Variants in TDRD9 observed in about 807,000 individuals in gnomAD.
TDRD9 encodes the protein ATP-dependent RNA helicase TDRD9.
Under a neutral mutation model 172.6 loss-of-function variants are expected in TDRD9, and 124 were observed. That is an observed-to-expected ratio of 0.72 (90% CI 0.62 to 0.83). The LOEUF (loss-of-function observed/expected upper bound fraction) is 0.83. TDRD9 is among the 40% of genes least tolerant of loss of function. The probability of loss-of-function intolerance (pLI) is 0.00; values close to 1 mark genes in which losing one functional copy is unlikely to be tolerated. For missense variants in TDRD9, 1,479 were observed against 1,714.1 expected (o/e 0.86, Z 2.42); for synonymous variants, 619 against 617.1 (o/e 1.00, Z -0.05).
At chr14:103,987,130 A>G (rs371883710) in intron 8 of TDRD9, among the ~76,000 whole-genome samples, 4,391 of 130,856 alleles carry the variant, frequency 0.034, 79 homozygotes, top group South Asian at 0.06. Flanking sequence ...ATATACACAC[A>G]CACACACACA....
chr14:104,042,874 A>G (rs1341615350), intron 34 of TDRD9, among the ~76,000 whole-genome samples: 1 of 152,152 alleles, frequency 6.6e-6, no homozygotes, highest in Admixed American at 6.5e-5. Context: ...TATCACGGTG[A>G]CACTTCTCTC....
intron 1 of TDRD9, among the ~76,000 whole-genome samples, chr14:103,953,169 T>C (rs967356055): frequency 6.6e-6 from 1 of 152,180 alleles, no homozygotes; most frequent in African/African-American, 2.4e-5. Flanking sequence ...ACCCATCTTA[T>C]TCAGAACAAA....
At chr14:104,034,919 G>GT in intron 31 of TDRD9, 41 bp from the exon 32 acceptor site, 1 of 1,487,442 alleles carries the variant, frequency 6.7e-7, no homozygotes, top group Non-Finnish European at 9.2e-7. Flanking sequence ...CCTGAGCAGC[G>GT]TGAGTTAATG....
intron 33 of TDRD9, among the ~76,000 whole-genome samples, 167 bp downstream of exon 33, chr14:104,040,501 C>T (rs534124728): frequency 4.6e-5 from 7 of 152,232 alleles, no homozygotes; most frequent in East Asian, 3.9e-4. Flanking sequence ...CCAGGAGGAC[C>T]GCTCCTTAAC....
chr14:104,051,348 A>G (rs909366561), intron 35 of TDRD9, among the ~76,000 whole-genome samples: 1 of 152,186 alleles, frequency 6.6e-6, no homozygotes, highest in African/African-American at 2.4e-5. Flanking sequence ...TATCCAGTCC[A>G]CTGTTGATGG....
Position 103,991,208 on chromosome 14 carries a change from G to A in TDRD9, c.1164G>A (p.Val388=). 1 of 1,614,024 alleles carries A rather than the reference G, an allele frequency of 6.2e-7. No individual in the cohort carries two copies. Among genetic ancestry groups the A allele is most frequent in the South Asian group, 1.1e-5 (1 of 91,082 alleles). The part of the protein sequence containing the change: ...GAQFVLERSS[V]LVFLPGLGEI... Reference sequence around the variant, plus strand: ...AGTTTGTGTTGGAGCGAAGCAGTGTGTTGGTGTTTTTGCCAGGTAAGAACA... The same window carrying A: ...AGTTTGTGTTGGAGCGAAGCAGTGTATTGGTGTTTTTGCCAGGTAAGAACA... Residue 388 remains valine, a synonymous_variant, in exon 9 of 36, where the codon GTG becomes GTA. Coordinates refer to ENST00000409874, the MANE Select transcript of TDRD9 (RefSeq NM_153046.3).
intron 30 of TDRD9, among the ~76,000 whole-genome samples, chr14:104,033,352 A>G (rs889947731): frequency 3.9e-5 from 6 of 152,172 alleles, no homozygotes; most frequent in Non-Finnish European, 5.9e-5. Context: ...AAAGATCCTC[A>G]GGCAGTATTG....
At chr14:104,001,863 T>C (rs2034270988) in intron 13 of TDRD9, among the ~76,000 whole-genome samples, 1 of 152,098 alleles carries the variant, frequency 6.6e-6, no homozygotes, top group African/African-American at 2.4e-5. Context: ...TGCCTAGGCT[T>C]CCCAAAGTGC....
chr14:103,975,829 A>G (rs2033214174), intron 7 of TDRD9, among the ~76,000 whole-genome samples: 3 of 152,152 alleles, frequency 2.0e-5, no homozygotes, highest in Non-Finnish European at 4.4e-5. Flanking sequence ...AACATTTAAA[A>G]TCCTCTCTTC....
intron 2 of TDRD9, among the ~76,000 whole-genome samples, chr14:103,956,955 C>G (rs1296248729): frequency 6.6e-6 from 1 of 152,162 alleles, no homozygotes; most frequent in African/African-American, 2.4e-5. Flanking sequence ...TCCTGTCCTG[C>G]CATCCTGCGT....
At chr14:104,009,101 G>A (rs10137517) in intron 20 of TDRD9, among the ~76,000 whole-genome samples, 3,250 of 152,294 alleles carry the variant, frequency 0.021, 135 homozygotes, top group Admixed American at 0.12. Flanking sequence ...GCTGTATAGT[G>A]TAGCCTATGG....
At chr14:103,974,607 C>G (rs1402982308) in intron 6 of TDRD9, among the ~76,000 whole-genome samples, 1 of 152,158 alleles carries the variant, frequency 6.6e-6, no homozygotes, top group Non-Finnish European at 1.5e-5. Flanking sequence ...TTCTCTGGAA[C>G]ACATCATAGA....
At chr14:103,966,536 C>T (rs1464405893) in intron 4 of TDRD9, among the ~76,000 whole-genome samples, 173 bp from the exon 5 acceptor site, 1 of 151,758 alleles carries the variant, frequency 6.6e-6, no homozygotes, top group East Asian at 1.9e-4. Context: ...GCCGCCCTCC[C>T]CCCAAAAAAG....
intron 23 of TDRD9, 34 bp from the exon 24 acceptor site, chr14:104,022,123 T>C: frequency 1.3e-6 from 2 of 1,528,756 alleles, no homozygotes; most frequent in East Asian, 2.5e-5. Flanking sequence ...AGATGCCTGA[T>C]AAATTTATTT....
At chr14:103,974,604 G>C (rs2033162484) in intron 6 of TDRD9, among the ~76,000 whole-genome samples, 1 of 152,028 alleles carries the variant, frequency 6.6e-6, no homozygotes, top group Non-Finnish European at 1.5e-5. Flanking sequence ...CATTTCTCTG[G>C]AACACATCAT....
intron 24 of TDRD9, among the ~76,000 whole-genome samples, chr14:104,022,863 C>G (rs947438613): frequency 2.0e-5 from 3 of 152,040 alleles, no homozygotes; most frequent in Non-Finnish European, 4.4e-5. Flanking sequence ...CCTCTCTGAA[C>G]CTCAGTTTTT....
chr14:103,976,744 TC>T (rs2033262540), intron 7 of TDRD9, among the ~76,000 whole-genome samples: 1 of 152,240 alleles, frequency 6.6e-6, no homozygotes, highest in African/African-American at 2.4e-5. Flanking sequence ...TTTTTGAGGA[TC>T]CTCCATACTG....
intron 32 of TDRD9, among the ~76,000 whole-genome samples, chr14:104,037,914 A>G (rs1309539111): frequency 6.6e-6 from 1 of 152,142 alleles, no homozygotes. Context: ...GTCAGCCTGG[A>G]TTCAGTGGCA....
At chr14:104,023,480 C>T (rs1356651298) in intron 24 of TDRD9, among the ~76,000 whole-genome samples, 1 of 152,182 alleles carries the variant, frequency 6.6e-6, no homozygotes, top group South Asian at 2.1e-4. Context: ...GGCATCTTTC[C>T]CTCCCGCCCA....
Sources: gnomAD v4.1 joint callset for allele counts (sites outside exome capture counted in the v4.1 genomes callset) on GRCh38, gnomAD v4.1.1 for gene constraint, MANE v1.5 for transcripts, NCBI Gene and HGNC (gene_info 2026-07-23, HGNC 2026-07-21) for gene names.